Variants in HLA-DPA1 observed in about 807,000 individuals in gnomAD.
HLA-DPA1 encodes the protein major histocompatibility complex, class II, DP alpha 1.
HLA-DPA1 carries 20 observed loss-of-function variants against 21.5 expected under a neutral mutation model. The ratio of observed to expected loss-of-function variants is 0.93; its 90% CI spans 0.66 to 1.35. The LOEUF is 1.35. Ranked by LOEUF, HLA-DPA1 falls within the 40% of genes most tolerant of loss-of-function variation. The pLI, the probability that HLA-DPA1 is intolerant of heterozygous loss-of-function variation, is 0.00. For synonymous variants in HLA-DPA1, 123 were observed against 129.6 expected (o/e 0.95, Z 0.35); for missense variants, 279 against 323.0 (o/e 0.86, Z 1.05).
At chr6:33,073,187 A>C (rs1369861111) in intron 2 of HLA-DPA1, among the ~76,000 whole-genome samples, 1 of 152,212 alleles carries the variant, frequency 6.6e-6, no homozygotes, top group Non-Finnish European at 1.5e-5. Context: ...TTTGAGCTTC[A>C]GTTTTTTCAA....
intron 1 of HLA-DPA1, chr6:33,075,950 T>C (rs1233290966): frequency 5.5e-6 from 5 of 916,584 alleles, no homozygotes; most frequent in Non-Finnish European, 8.5e-6. Context: ...CTTGGGTTCA[T>C]GGTCTCTAAT....
Position 33,065,805 on chromosome 6 carries a change from A to G in HLA-DPA1, c.*13-458T>C, listed in dbSNP as rs558014394. 3 of 149,950 alleles carry G rather than the reference A, an allele frequency of 2.0e-5. No individual in the cohort carries two copies. The South Asian group carries it at 6.4e-4, about 32-fold the overall frequency. The allele number at this position is 149,950 out of a possible 1,614,324, so 9.3% of individuals were successfully genotyped here. On this transcript the variant is annotated intron_variant, in intron 5 of 5. Transcript: ENST00000419277. The stretch of plus-strand genomic sequence containing the variant: ...TTTTCTAAAATGACCTCTGTTGAAC[A>G]TCTGACAGCAGTACTTCCTCCTTCC...
chr6:33,071,084 C>A (rs1269942633), intron 2 of HLA-DPA1, among the ~76,000 whole-genome samples: 1 of 150,498 alleles, frequency 6.6e-6, no homozygotes, highest in African/African-American at 2.5e-5. Flanking sequence ...TCCCAACTCA[C>A]AGATTTCCCT....
intron 1 of HLA-DPA1, chr6:33,076,122 C>CCAGG (rs759178727): frequency 1.9e-6 from 3 of 1,610,568 alleles, no homozygotes; most frequent in Non-Finnish European, 2.5e-6. Flanking sequence ...CATCTGTGGT[C>CCAGG]CAGGGCAGGG....
intron 5 of HLA-DPA1, 142 bp downstream of exon 4, chr6:33,068,496 C>A: frequency 1.6e-6 from 1 of 644,680 alleles, no homozygotes; most frequent in South Asian, 2.2e-5. Flanking sequence ...ATATTAACTA[C>A]TCAGTTAGTT....
In HLA-DPA1 at chr6:33,068,669, CG is replaced by C. The variant is rs1405857385; in HGVS notation, c.763del (p.Arg255GlyfsTer10). ...AGTATTTCACAGGGTCCCCTGGGCC[CG>C]GGGGTCATGGCCAGAACGCAGAGAC... On this transcript the variant is annotated frameshift_variant, in exon 5 of 6. Transcript: ENST00000419277. LOFTEE classifies it high-confidence loss of function. 3 of 1,612,560 alleles carry C rather than the reference CG, an allele frequency of 1.9e-6. No individual in the cohort carries two copies. In the African/African-American group the frequency reaches 4.0e-5, roughly 22 times the overall value.
At chr6:33,068,919 A>G in intron 4 of HLA-DPA1, 100 bp downstream of exon 3, 2 of 1,535,314 alleles carry the variant, frequency 1.3e-6, no homozygotes, top group Non-Finnish European at 1.8e-6. Context: ...GGACGAGGAG[A>G]GGACTGAGAC....
chr6:33,068,970 T>C, intron 4 of HLA-DPA1, 49 bp downstream of exon 3: 1 of 1,596,364 alleles, frequency 6.3e-7, no homozygotes, highest in Middle Eastern at 1.7e-4. Context: ...CACCAGGTCT[T>C]TGGAATAGAG....
chr6:33,068,619 C>G lies in HLA-DPA1; in HGVS notation c.*12+19G>C. ...CCTTACATTCTACAAATCCTAGGGC[C>G]TCCTCTTTACATTCCCACCTTTACA... On this transcript the variant is annotated intron_variant, in intron 5 of 5. Coordinates refer to ENST00000419277, the Ensembl canonical transcript of HLA-DPA1. 1.3e-6 allele frequency: 2 copies of G among 1,545,782 alleles called. No individual in the cohort carries two copies. The highest frequency in any genetic ancestry group is 1.7e-6 in the Non-Finnish European group (2 of 1,149,402).
intron 1 of HLA-DPA1, among the ~76,000 whole-genome samples, chr6:33,077,690 A>G (rs964194705): frequency 3.3e-5 from 5 of 152,140 alleles, no homozygotes; most frequent in African/African-American, 1.2e-4. Flanking sequence ...AAGGACTGCA[A>G]AGTAGGTACC....
At chr6:33,074,327 T>C (rs1762432622) in intron 1 of HLA-DPA1, among the ~76,000 whole-genome samples, 1 of 152,208 alleles carries the variant, frequency 6.6e-6, no homozygotes, top group Non-Finnish European at 1.5e-5. Context: ...AGTCTTGTTA[T>C]TTCATTTTCA....
chr6:33,079,709 A>G, intron 1 of HLA-DPA1: 1 of 509,840 alleles, frequency 2.0e-6, no homozygotes, highest in Non-Finnish European at 3.9e-6. Context: ...CAAGGAGCTG[A>G]AAGTGCTGCT....
rs927221926 is a variant in HLA-DPA1, at chr6:33,077,020, T to C, written c.-99-3351A>G. Among the ~76,000 whole-genome samples, 3 of 151,652 alleles carry C rather than the reference T, an allele frequency of 2.0e-5. No individual in the cohort carries two copies. In the East Asian group the frequency reaches 5.8e-4, roughly 30 times the overall value. ...GTGCCATGTTGGTGTGCTGCACCCA[T>C]TAACTCGTCATTTACATTAGGTATA... On this transcript the variant is annotated intron_variant, in intron 1 of 5. Coordinates refer to ENST00000419277, the Ensembl canonical transcript of HLA-DPA1.
rs1231406569 is a variant in HLA-DPA1 at position 33,080,408 on chromosome 6, A to G, written c.-100+272T>C. ...CAGCAGAAGGGACTGCCTTCCCCTC[A>G]GTGCTCGCCCCTCCCTAGTGATCAC... On this transcript the variant is annotated intron_variant, in intron 1 of 5. Transcript: ENST00000419277. The surrounding 1 kb of genome is among the most constrained non-coding windows in gnomAD (Gnocchi z 4.3). 9 of 665,662 alleles carry G rather than the reference A, an allele frequency of 1.4e-5. No individual in the cohort carries two copies. Among genetic ancestry groups the G allele is most frequent in the East Asian group, 3.1e-5 (1 of 31,988 alleles). 41.2% of individuals were successfully genotyped at this position (665,662 alleles called of 1,614,324 possible).
In HLA-DPA1 at chr6:33,075,618, T is replaced by C. The variant is rs142621821; in HGVS notation, c.-99-1949A>G. Among the ~76,000 whole-genome samples, 543 of 152,268 alleles carry C rather than the reference T, an allele frequency of 3.6e-3. 3 individuals are homozygous for C. Among genetic ancestry groups the C allele is most frequent in the East Asian group, 0.026 (133 of 5,188 alleles). On this transcript the variant is annotated intron_variant, in intron 1 of 5. Transcript: ENST00000419277. ...CCTTTTACACACTAAGATAGCACTT[T>C]TTCCACAACAGACCATGTCCTGTGG...
At chr6:33,073,058 A>G (rs9348904) in intron 2 of HLA-DPA1, among the ~76,000 whole-genome samples, 43,973 of 152,082 alleles carry the variant, frequency 0.29, 8,408 homozygotes, top group East Asian at 0.69. Context: ...GAGGGCCCTG[A>G]TAGTAGGTCA....
intron 1 of HLA-DPA1, among the ~76,000 whole-genome samples, chr6:33,078,025 C>T (rs1359077830): frequency 1.3e-5 from 2 of 152,024 alleles, no homozygotes; most frequent in African/African-American, 4.8e-5. Context: ...GCACTGGTGA[C>T]ACTGAACAGT....
chr6:33,065,487 C>T (rs1761914862), intron 5 of HLA-DPA1, 140 bp from the exon 5 acceptor site: 2 of 152,342 alleles, frequency 1.3e-5, no homozygotes, highest in Non-Finnish European at 2.9e-5. Flanking sequence ...CATCCCTGCA[C>T]ATGCCCTGGT....
chr6:33,076,205 CT>C, intron 1 of HLA-DPA1: 1 of 1,110,040 alleles, frequency 9.0e-7, no homozygotes, highest in Non-Finnish European at 1.3e-6. Flanking sequence ...GGGACGTTAT[CT>C]TTAAGGGATC....
Sources: gnomAD v4.1 joint callset for allele counts (sites outside exome capture counted in the v4.1 genomes callset) on GRCh38, gnomAD v4.1.1 for gene constraint, Gnocchi (gnomAD v3.1) non-coding constraint, MANE v1.5 for transcripts, NCBI Gene and HGNC (gene_info 2026-07-23, HGNC 2026-07-21) for gene names.